Variants in UGT1A4 observed in about 807,000 individuals in gnomAD.
UGT1A4 encodes the protein UDP glucuronosyltransferase family 1 member A4, also known as UDP-glucuronosyltransferase 1A4.
A neutral mutation model predicts 41.1 loss-of-function variants in UGT1A4; 32 were observed. That is an observed-to-expected ratio of 0.78 (90% CI 0.59 to 1.05). The LOEUF is 1.05. Among genes scored for constraint, UGT1A4 ranks in the 50% least tolerant of loss-of-function variants. The probability of loss-of-function intolerance (pLI) is 0.00; values close to 1 mark genes in which losing one functional copy is unlikely to be tolerated. For missense variants in UGT1A4, 748 were observed against 677.4 expected (o/e 1.10, Z -1.16); for synonymous variants, 283 against 265.1 (o/e 1.07, Z -0.66).
At chr2:233,738,451 G>A (rs1425081316) in intron 1 of UGT1A4, among the ~76,000 whole-genome samples, 1 of 152,222 alleles carries the variant, frequency 6.6e-6, no homozygotes, top group Non-Finnish European at 1.5e-5. Context: ...AAGACAGGAA[G>A]ATGTGGGAAA....
chr2:233,729,971 C>T (rs1206556766), intron 1 of UGT1A4: 1 of 1,613,904 alleles, frequency 6.2e-7, no homozygotes, highest in Non-Finnish European at 8.5e-7. Context: ...ATCAACTGTG[C>T]CAACAGGAAG....
At chr2:233,751,766 T>C (rs1221820452) in intron 1 of UGT1A4, among the ~76,000 whole-genome samples, 2 of 152,224 alleles carry the variant, frequency 1.3e-5, no homozygotes, top group Non-Finnish European at 2.9e-5. Context: ...ATGTGAGACA[T>C]GACTTTGCTT....
intron 1 of UGT1A4, among the ~76,000 whole-genome samples, chr2:233,721,053 C>T (rs2076919169): frequency 6.6e-6 from 1 of 152,004 alleles, no homozygotes; most frequent in Admixed American, 6.6e-5. Flanking sequence ...CCTTTTTTGT[C>T]ATATTCACTG....
At position 233,773,226 on chromosome 2, in the gene UGT1A4, A is replaced by C. The variant is rs989910459; in HGVS notation, c.*667A>C. 2 of 152,382 alleles carry C rather than the reference A, an allele frequency of 1.3e-5. No homozygotes were observed. Among genetic ancestry groups the C allele is most frequent in the Non-Finnish European group, 2.9e-5 (2 of 68,036 alleles). 9.4% of individuals were successfully genotyped at this position (152,382 alleles called of 1,614,324 possible). ...ATAAAAACCCAAAATACAGCTATGA[A>C]GTGCTGGGCAAGTTTACTTTTTTTC... On this transcript the variant is annotated 3_prime_UTR_variant, in exon 5 of 5. Coordinates refer to ENST00000373409, the MANE Select transcript of UGT1A4 (RefSeq NM_007120.3).
At chr2:233,735,919 C>A (rs2078709385) in intron 1 of UGT1A4, among the ~76,000 whole-genome samples, 1 of 152,156 alleles carries the variant, frequency 6.6e-6, no homozygotes, top group South Asian at 2.1e-4. Context: ...GTAACCCGAC[C>A]TTTCTCTGTG....
chr2:233,731,132 CTA>C (rs1206897988), intron 1 of UGT1A4, among the ~76,000 whole-genome samples: 3 of 152,006 alleles, frequency 2.0e-5, no homozygotes, highest in African/African-American at 7.3e-5. Flanking sequence ...GCAAAAGACT[CTA>C]AGCTTCATTT....
chr2:233,751,985 A>C (rs1248686220), intron 1 of UGT1A4, among the ~76,000 whole-genome samples: 1 of 152,196 alleles, frequency 6.6e-6, no homozygotes, highest in Non-Finnish European at 1.5e-5. Flanking sequence ...ATGAATCTGC[A>C]TTTATTGAGA....
chr2:233,729,353 C>G, intron 1 of UGT1A4: 1 of 1,614,162 alleles, frequency 6.2e-7, no homozygotes, highest in South Asian at 1.1e-5. Flanking sequence ...AACTTTTTCA[C>G]CCTGACAACC....
At chr2:233,754,798 C>G (rs781516183) in intron 1 of UGT1A4, 1 of 1,247,746 alleles carries the variant, frequency 8.0e-7, no homozygotes, top group East Asian at 5.0e-5. Context: ...AATCCTGTAT[C>G]AAAAGAAGAA....
At chr2:233,742,236 G>A (rs571045989) in intron 1 of UGT1A4, among the ~76,000 whole-genome samples, 1 of 151,990 alleles carries the variant, frequency 6.6e-6, no homozygotes, top group African/African-American at 2.4e-5. Context: ...CCCAAACAGA[G>A]ATTTACCCAC....
intron 1 of UGT1A4, among the ~76,000 whole-genome samples, chr2:233,728,416 G>A (rs563525403): frequency 6.4e-4 from 98 of 152,296 alleles, no homozygotes; most frequent in African/African-American, 2.2e-3. Context: ...TTAGATAGCA[G>A]CACCTCTTCT....
At chr2:233,758,898 T>G (rs1462729445) in intron 1 of UGT1A4, among the ~76,000 whole-genome samples, 1 of 152,186 alleles carries the variant, frequency 6.6e-6, no homozygotes, top group Non-Finnish European at 1.5e-5. Context: ...AAATACAAAT[T>G]TGAGTTGTTT....
In UGT1A4 at chr2:233,772,556, T is replaced by C; in HGVS notation, c.1602T>C (p.His534=). ...AGAAAGCCCACAAATCCAAGACCCA[T>C]TGAGAAGTGGGTGGGAAATAAGGTA... is the stretch of plus-strand genomic sequence containing the variant. ...RVKKAHKSKT[H] The change falls in exon 5 of 5, where the codon CAT becomes CAC. Residue 534 remains histidine, a synonymous_variant. Transcript: ENST00000373409. 2.5e-6 allele frequency: 4 copies of C among 1,613,872 alleles called. No homozygotes were observed. The highest frequency in any genetic ancestry group is 2.7e-5 in the African/African-American group (2 of 75,014).
intron 1 of UGT1A4, among the ~76,000 whole-genome samples, chr2:233,750,991 C>T (rs545732182): frequency 4.6e-5 from 7 of 151,894 alleles, no homozygotes; most frequent in South Asian, 2.1e-4. Flanking sequence ...AGAAGGCGGC[C>T]ACCATCCTCC....
At chr2:233,755,961 C>T (rs1443749544) in intron 1 of UGT1A4, 1 of 152,160 alleles carries the variant, frequency 6.6e-6, no homozygotes, top group Non-Finnish European at 1.5e-5. Flanking sequence ...TAGTACTTGG[C>T]TCTATAGAGA....
chr2:233,755,145 G>C, intron 1 of UGT1A4: 1 of 1,302,778 alleles, frequency 7.7e-7, no homozygotes, highest in Non-Finnish European at 1.0e-6. Context: ...TCTTCTCACC[G>C]CTTCCTCCCT....
chr2:233,743,530 C>A (rs781463146), intron 1 of UGT1A4: 1 of 1,367,250 alleles, frequency 7.3e-7, no homozygotes, highest in Non-Finnish European at 9.8e-7. Flanking sequence ...GCTTCCCCAG[C>A]AGTTCCTCTG....
chr2:233,746,859 GC>G lies in UGT1A4; in HGVS notation c.868-20173del, dbSNP rs776256702. Among the ~76,000 whole-genome samples the G allele has an allele frequency of 2.4e-3, 366 of 151,912 alleles. 1 individual carries two copies. Among genetic ancestry groups the G allele is most frequent in the Non-Finnish European group, 3.4e-3 (229 of 68,008 alleles). ...GGGGACCTCTCAGACCTCAGCTGCA[GC>G]CTGATAAACGTGGTTAACAGAGAAG... On this transcript the variant is annotated intron_variant, in intron 1 of 4. Coordinates refer to ENST00000373409, the MANE Select transcript of UGT1A4 (RefSeq NM_007120.3).
At chr2:233,727,849 C>T (rs1182266870) in intron 1 of UGT1A4, among the ~76,000 whole-genome samples, 2 of 152,218 alleles carry the variant, frequency 1.3e-5, no homozygotes, top group Admixed American at 6.5e-5. Flanking sequence ...GGAGTAATTT[C>T]CTCCCTAAGG....
Sources: allele counts gnomAD v4.1 joint callset (sites outside exome capture counted in the v4.1 genomes callset), GRCh38; gene constraint gnomAD v4.1.1; transcripts MANE v1.5; gene names NCBI Gene and HGNC (gene_info 2026-07-23, HGNC 2026-07-21).